TADA2A: variants seen among roughly 807,000 people sequenced by gnomAD.
TADA2A encodes the protein transcriptional adaptor 2A.
A neutral mutation model predicts 67.4 loss-of-function variants in TADA2A; 38 were observed. That is an observed-to-expected ratio of 0.56 (90% CI 0.44 to 0.74). TADA2A has a LOEUF of 0.74. Among genes scored for constraint, TADA2A ranks in the 30% least tolerant of loss-of-function variants. The probability of loss-of-function intolerance (pLI) is 0.00; values close to 1 mark genes in which losing one functional copy is unlikely to be tolerated. For synonymous variants in TADA2A, 192 were observed against 181.6 expected (o/e 1.06, Z -0.46); for missense variants, 454 against 547.0 (o/e 0.83, Z 1.70).
At chr17:37,464,998 T>C (rs1253935698) in intron 10 of TADA2A, among the ~76,000 whole-genome samples, 1 of 150,930 alleles carries the variant, frequency 6.6e-6, no homozygotes, top group Non-Finnish European at 1.5e-5. Flanking sequence ...AATTCAAAAA[T>C]TAGCTGGGTG....
At position 37,417,932 on chromosome 17, in the gene TADA2A, TAAA is replaced by T. The variant is rs150701230; in HGVS notation, c.26-5576_26-5574del. On this transcript the variant is annotated intron_variant, in intron 2 of 15. Coordinates refer to ENST00000615182, the MANE Select transcript of TADA2A (RefSeq NM_001166105.3). ...TATGGTAAAACAATGCAATTTATAA[TAAA>T]GCAATATGTATTTCAATATGTTTAG... Among the ~76,000 whole-genome samples the T allele has an allele frequency of 7.2e-3, 1,098 of 152,294 alleles. 8 individuals are homozygous for T. Among genetic ancestry groups the T allele is most frequent in the African/African-American group, 0.025 (1,036 of 41,568 alleles).
chr17:37,422,841 T>C (rs1002637860), intron 2 of TADA2A, among the ~76,000 whole-genome samples: 1 of 152,174 alleles, frequency 6.6e-6, no homozygotes. Flanking sequence ...GATTCAGCAA[T>C]TGTTAACATT....
chr17:37,468,993 T>C (rs1423445233), intron 12 of TADA2A, among the ~76,000 whole-genome samples: 1 of 151,942 alleles, frequency 6.6e-6, no homozygotes, highest in Non-Finnish European at 1.5e-5. Flanking sequence ...CTCTGCCTTC[T>C]AGGTTCAAGC....
At chr17:37,410,113 G>A (rs1463303434) in intron 1 of TADA2A, among the ~76,000 whole-genome samples, 1 of 152,008 alleles carries the variant, frequency 6.6e-6, no homozygotes, top group African/African-American at 2.4e-5. Context: ...ACCAAATGGA[G>A]AATGAGAATC....
At chr17:37,476,380 C>T (rs1464257176) in intron 15 of TADA2A, among the ~76,000 whole-genome samples, 1 of 152,220 alleles carries the variant, frequency 6.6e-6, no homozygotes, top group East Asian at 1.9e-4. Flanking sequence ...CAATGTGATG[C>T]AGCCTTGAGA....
At chr17:37,413,167 T>C (rs572164783) in intron 2 of TADA2A, among the ~76,000 whole-genome samples, 217 of 152,274 alleles carry the variant, frequency 1.4e-3, no homozygotes, top group Non-Finnish European at 2.5e-3. Context: ...CCTCAGGTGA[T>C]CCACCAGCCT....
Position 37,467,512 on chromosome 17 carries a change from T to C in TADA2A, c.882T>C (p.Ile294=). Residue 294 remains isoleucine (I), a synonymous_variant, in exon 12 of 16, where the codon ATT becomes ATC. Coordinates refer to ENST00000615182, the MANE Select transcript of TADA2A (RefSeq NM_001166105.3). The stretch of plus-strand genomic sequence containing the variant: ...TCCAAGAATACAGGACAGCAGGCAT[T>C]ACCAATTTTTGTAGTAAGTATGCTT... The part of the protein sequence containing the change: ...KRLQEYRTAG[I]TNFCSARTYD... 1 of 1,613,696 alleles carries C rather than the reference T, an allele frequency of 6.2e-7. No individual in the cohort carries two copies. The highest frequency in any genetic ancestry group is 8.5e-7 in the Non-Finnish European group (1 of 1,179,798).
intron 4 of TADA2A, among the ~76,000 whole-genome samples, chr17:37,436,070 TC>T (rs1555684104): frequency 6.6e-6 from 1 of 152,000 alleles, no homozygotes; most frequent in Non-Finnish European, 1.5e-5. Context: ...CTTTTTTTTT[TC>T]CCAAGCCAAA....
chr17:37,424,204 A>G (rs962883975), intron 3 of TADA2A, among the ~76,000 whole-genome samples: 2 of 152,030 alleles, frequency 1.3e-5, no homozygotes, highest in African/African-American at 4.8e-5. Context: ...AGGCTGAGGC[A>G]GGTGGATCCC....
At chr17:37,440,409 A>G in intron 5 of TADA2A, 96 bp from the exon 6 acceptor site, 5 of 1,382,198 alleles carry the variant, frequency 3.6e-6, no homozygotes, top group South Asian at 1.4e-5. Context: ...AGTATATTAT[A>G]TGGATGTGAC....
At position 37,479,355 on chromosome 17, in the gene TADA2A, T is replaced by C. The variant is rs1397644235; in HGVS notation, c.*2373T>C. 6.6e-6 allele frequency: 1 copy of C among 152,214 alleles called. No homozygotes were observed. The highest frequency in any genetic ancestry group is 1.9e-4 in the East Asian group (1 of 5,204). The allele number at this position is 152,214 out of a possible 1,614,324, so 9.4% of individuals were successfully genotyped here. A position where few individuals can be genotyped will look rare whatever the true frequency, so the allele number is the denominator to read the frequency against. The stretch of plus-strand genomic sequence containing the variant: ...TGGAAACAGTTGAACTCTGAAAAGC[T>C]GATGGCAAATCAGATTTCATGAGGA... On this transcript the variant is annotated 3_prime_UTR_variant, in exon 16 of 16. Coordinates refer to ENST00000615182, the MANE Select transcript of TADA2A (RefSeq NM_001166105.3).
chr17:37,432,499 T>A (rs1436189903), intron 4 of TADA2A, among the ~76,000 whole-genome samples: 3 of 152,200 alleles, frequency 2.0e-5, no homozygotes, highest in Admixed American at 1.3e-4. Flanking sequence ...TTATTCATGT[T>A]GTGTATGTTA....
Position 37,441,098 on chromosome 17 carries a change from A to T in TADA2A, c.442+436A>T, listed in dbSNP as rs1212290229. On this transcript the variant is annotated intron_variant, in intron 6 of 15. Transcript: ENST00000615182. ...TGACAGAGTGAGACTTCATCTCTTA[A>T]AAAAAAAAAAAAAAAGAGTCAGGAT... Among the ~76,000 whole-genome samples the T allele has an allele frequency of 3.5e-5, 3 of 86,578 alleles. No individual in the cohort carries two copies. The Admixed American group carries it at 4.6e-4, about 13-fold the overall frequency. The allele number at this position is 86,578 out of a possible 152,430, so 56.8% of individuals were successfully genotyped here. A position where few individuals can be genotyped will look rare whatever the true frequency, so the allele number is the denominator to read the frequency against.
Position 37,437,735 on chromosome 17 carries a change from T to A in TADA2A, c.193-3T>A, listed in dbSNP as rs982178505. ...TTCTTAAGCAAAACTTTTTTCTCCT[T>A]AGACTTCAGATTTTCCTGTCCTTGA... On this transcript the variant is annotated splice_region_variant and splice_polypyrimidine_tract_variant and intron_variant, in intron 4 of 15. Transcript: ENST00000615182. The A allele has an allele frequency of 3.1e-6, 5 of 1,613,906 alleles. No individual in the cohort carries two copies. The highest frequency in any genetic ancestry group is 3.4e-6 in the Non-Finnish European group (4 of 1,179,958).
chr17:37,446,598 T>TA (rs5820218), intron 8 of TADA2A, among the ~76,000 whole-genome samples: 71,170 of 147,268 alleles, frequency 0.48, 17,580 homozygotes, highest in East Asian at 0.79. Flanking sequence ...ACCCTGTCTC[T>TA]AAAAAAAAAA....
intron 4 of TADA2A, among the ~76,000 whole-genome samples, chr17:37,436,718 A>G (rs2052737429): frequency 6.6e-6 from 1 of 151,944 alleles, no homozygotes; most frequent in South Asian, 2.1e-4. Flanking sequence ...AGGAATATTC[A>G]GAGACATCTA....
At chr17:37,434,597 A>G (rs1285604224) in intron 4 of TADA2A, among the ~76,000 whole-genome samples, 2 of 152,212 alleles carry the variant, frequency 1.3e-5, no homozygotes, top group African/African-American at 4.8e-5. Flanking sequence ...TGACTACTTC[A>G]GATTCATTTA....
chr17:37,422,243 A>G (rs1322519777), intron 2 of TADA2A, among the ~76,000 whole-genome samples: 1 of 143,656 alleles, frequency 7.0e-6, no homozygotes, highest in African/African-American at 2.5e-5. Flanking sequence ...ATGGGGTTTC[A>G]CCATCTTGGC....
rs771606809 is a variant in TADA2A, at chr17:37,411,335, G to A, written c.-31G>A. The A allele has an allele frequency of 1.1e-5, 17 of 1,613,326 alleles. No homozygotes were observed. The highest frequency in any genetic ancestry group is 1.4e-5 in the Non-Finnish European group (17 of 1,179,332). On this transcript the variant is annotated 5_prime_UTR_variant, in exon 2 of 16. Coordinates refer to ENST00000615182, the MANE Select transcript of TADA2A (RefSeq NM_001166105.3). ...GTCTTGAAGAAGCTCTGCTGAGGAA[G>A]ACCAAAGCAGCACTCGTTGCCAATT...
Sources: allele counts gnomAD v4.1 joint callset (sites outside exome capture counted in the v4.1 genomes callset), GRCh38; gene constraint gnomAD v4.1.1; transcripts MANE v1.5; gene names NCBI Gene and HGNC (gene_info 2026-07-23, HGNC 2026-07-21).